Variants in ARHGAP25 observed in about 807,000 individuals in gnomAD.
The protein encoded by ARHGAP25 is rho GTPase-activating protein 25.
In ARHGAP25, 34 loss-of-function variants were observed where a neutral mutation model predicts 71.0. That is an observed-to-expected ratio of 0.48 (90% CI 0.36 to 0.64). ARHGAP25 has a LOEUF of 0.64. ARHGAP25 is among the 30% of genes least tolerant of loss of function. The probability of loss-of-function intolerance (pLI) is 0.00; values close to 1 mark genes in which losing one functional copy is unlikely to be tolerated. For synonymous variants in ARHGAP25, 282 were observed against 296.5 expected (o/e 0.95, Z 0.50); for missense variants, 706 against 805.1 (o/e 0.88, Z 1.49).
At chr2:68,808,575 T>G (rs1177965070) in intron 5 of ARHGAP25, among the ~76,000 whole-genome samples, 2 of 152,190 alleles carry the variant, frequency 1.3e-5, no homozygotes, top group African/African-American at 4.8e-5. Flanking sequence ...TTTAGCACCC[T>G]AGGAAGCAAG....
At chr2:68,776,526 A>G (rs1677935017) in intron 2 of ARHGAP25, among the ~76,000 whole-genome samples, 1 of 152,220 alleles carries the variant, frequency 6.6e-6, no homozygotes, top group Non-Finnish European at 1.5e-5. Context: ...AAGTAGAGCA[A>G]ACAGGATTTC....
At chr2:68,718,644 C>G (rs939110170) in intron 2 of ARHGAP25, among the ~76,000 whole-genome samples, 9 of 151,866 alleles carry the variant, frequency 5.9e-5, no homozygotes, top group African/African-American at 1.9e-4. Context: ...TGTCTCTGAC[C>G]CTGGTTCCTG....
chr2:68,782,376 C>T (rs1678405480), intron 3 of ARHGAP25, 56 bp downstream of exon 3: 1 of 1,501,234 alleles, frequency 6.7e-7, no homozygotes. Flanking sequence ...TCCCATTTTA[C>T]TTCTGGACCC....
At chr2:68,737,932 T>C (rs1675304387) in intron 1 of ARHGAP25, among the ~76,000 whole-genome samples, 1 of 152,150 alleles carries the variant, frequency 6.6e-6, no homozygotes, top group Non-Finnish European at 1.5e-5. Flanking sequence ...TACTTCCATC[T>C]CAGAGCTGAA....
chr2:68,794,248 G>C (rs567129069), intron 4 of ARHGAP25, among the ~76,000 whole-genome samples: 1 of 151,936 alleles, frequency 6.6e-6, no homozygotes, highest in Non-Finnish European at 1.5e-5. Context: ...TTCCAATTTG[G>C]ATACCACTTA....
At chr2:68,796,236 A>G (rs1394977085) in intron 4 of ARHGAP25, among the ~76,000 whole-genome samples, 2 of 152,044 alleles carry the variant, frequency 1.3e-5, no homozygotes, top group Non-Finnish European at 2.9e-5. Context: ...CATATCCTGA[A>G]CTGATTTTCT....
At chr2:68,779,636 T>C (rs1026977511) in intron 2 of ARHGAP25, among the ~76,000 whole-genome samples, 1 of 152,220 alleles carries the variant, frequency 6.6e-6, no homozygotes, top group Non-Finnish European at 1.5e-5. Context: ...TTCTGGCACC[T>C]CACTGCCACA....
At chr2:68,740,661 A>C (rs1431928415) in intron 1 of ARHGAP25, among the ~76,000 whole-genome samples, 2 of 152,248 alleles carry the variant, frequency 1.3e-5, no homozygotes, top group Non-Finnish European at 2.9e-5. Context: ...CCATTTAAAC[A>C]GAGAAGTTTA....
intron 2 of ARHGAP25, among the ~76,000 whole-genome samples, chr2:68,718,841 A>G (rs1265475500): frequency 6.6e-6 from 1 of 152,180 alleles, no homozygotes; most frequent in East Asian, 1.9e-4. Flanking sequence ...GGATAGCTTT[A>G]GGATAGGGGC....
chr2:68,810,731 C>CTT (rs539849992), intron 5 of ARHGAP25, among the ~76,000 whole-genome samples: 2 of 74,342 alleles, frequency 2.7e-5, no homozygotes, highest in Non-Finnish European at 5.0e-5. Flanking sequence ...CTTTTCTTCT[C>CTT]TTTTTTTTTT....
At chr2:68,737,891 C>G (rs1283285315) in intron 1 of ARHGAP25, among the ~76,000 whole-genome samples, 1 of 152,126 alleles carries the variant, frequency 6.6e-6, no homozygotes, top group African/African-American at 2.4e-5. Flanking sequence ...AAGTGAAAGT[C>G]TCTGAGAGCG....
rs190815736 is a variant in ARHGAP25, at chr2:68,750,734, T to C, written c.61+15474T>C. 6.6e-5 allele frequency among the ~76,000 whole-genome samples: 10 copies of C among 152,280 alleles called. No homozygotes were observed. In the East Asian group the frequency reaches 1.4e-3, roughly 21 times the overall value. On this transcript the variant is annotated intron_variant, in intron 1 of 10. Transcript: ENST00000409202. ...TAAAGGCATTCCTTCTTCTCTGAGG[T>C]TCCCTGCAGACCGGACTGTCTGTGA...
In ARHGAP25 at chr2:68,775,423, A is replaced by G. The variant is rs1351040458; in HGVS notation, c.261+3A>G. On this transcript the variant is annotated splice_donor_region_variant and intron_variant, in intron 2 of 10. Transcript: ENST00000409202. The stretch of plus-strand genomic sequence containing the variant: ...ATGAAGAGGACACGAAGCCCCAGGT[A>G]CCAGCCAGGCTGTTTGTCCCGTTCA... 1.2e-6 allele frequency: 2 copies of G among 1,614,230 alleles called. No homozygotes were observed. The highest frequency in any genetic ancestry group is 1.7e-6 in the Non-Finnish European group (2 of 1,180,040).
At chr2:68,818,606 G>A (rs1273108022) in intron 8 of ARHGAP25, among the ~76,000 whole-genome samples, 4 of 152,242 alleles carry the variant, frequency 2.6e-5, no homozygotes, top group Admixed American at 1.3e-4. Flanking sequence ...GGGATTACAG[G>A]CGTGAGCCGC....
intron 2 of ARHGAP25, among the ~76,000 whole-genome samples, chr2:68,779,123 G>T (rs1388946356): frequency 6.6e-6 from 1 of 152,172 alleles, no homozygotes; most frequent in African/African-American, 2.4e-5. Context: ...GTTTTCTGAG[G>T]CATCGCCACA....
In ARHGAP25 at chr2:68,806,075, G is replaced by A. The variant is rs530777959; in HGVS notation, c.467-1198G>A. On this transcript the variant is annotated intron_variant, in intron 4 of 10. Transcript: ENST00000409202. ...GCTGGGGTGGAGCTGGCCCACACTT[G>A]CTTTGCTGGAGGCAGGGTAATTTGG... 3.9e-5 allele frequency among the ~76,000 whole-genome samples: 6 copies of A among 152,342 alleles called. No homozygotes were observed. In the South Asian group the frequency reaches 1.2e-3, roughly 32 times the overall value.
At chr2:68,799,158 G>A (rs1376088815) in intron 4 of ARHGAP25, among the ~76,000 whole-genome samples, 1 of 152,184 alleles carries the variant, frequency 6.6e-6, no homozygotes. Flanking sequence ...ACATTGCCAG[G>A]GGGTGGGAGT....
rs1334306033 is a variant in ARHGAP25 at position 68,775,398 on chromosome 2, A to G, written c.239A>G (p.Asp80Gly). The G allele has an allele frequency of 1.9e-6, 3 of 1,614,142 alleles. No homozygotes were observed. Among genetic ancestry groups the G allele is most frequent in the Admixed American group, 1.7e-5 (1 of 60,014 alleles). The change falls in exon 2 of 11, where the codon GAT becomes GGT. Residue 80 changes from aspartate (D) to glycine (G), a missense_variant. By Grantham distance (94) the Asp-to-Gly change is moderately conservative. Coordinates refer to ENST00000409202, the MANE Select transcript of ARHGAP25 (RefSeq NM_001007231.3). ...GCGCAGCAGCTCTACTACTACAAGGATGAAGAGGACACGAAGCCCCAGGTA... is the reference window on the plus strand; with the variant it reads ...GCGCAGCAGCTCTACTACTACAAGGGTGAAGAGGACACGAAGCCCCAGGTA... ...LRAQQLYYYK[D>G]EEDTKPQGCM...
chr2:68,817,778 C>T lies in ARHGAP25; in HGVS notation c.882-95C>T, dbSNP rs182333533. The T allele has an allele frequency of 1.9e-3, 2,817 of 1,454,436 alleles. 3 individuals are homozygous for T. Among genetic ancestry groups the T allele is most frequent in the Non-Finnish European group, 2.4e-3 (2,527 of 1,052,940 alleles). 90.1% of individuals were successfully genotyped at this position (1,454,436 alleles called of 1,614,324 possible). On this transcript the variant is annotated intron_variant, in intron 7 of 10. Transcript: ENST00000409202. ...CTCATTCCTGAGTCTGGGAGGAAAG[C>T]ATTGGATCCATCCCTGAGTTCTCAT...
Sources: gnomAD v4.1 joint callset for allele counts (sites outside exome capture counted in the v4.1 genomes callset) on GRCh38, gnomAD v4.1.1 for gene constraint, MANE v1.5 for transcripts, NCBI Gene and HGNC (gene_info 2026-07-23, HGNC 2026-07-21) for gene names.